BIRC6: variants seen among roughly 807,000 people sequenced by gnomAD.
The protein encoded by BIRC6 is dual E2 ubiquitin-conjugating enzyme/E3 ubiquitin-protein ligase BIRC6.
BIRC6 carries 98 observed loss-of-function variants against 503.3 expected under a neutral mutation model. That is an observed-to-expected ratio of 0.19 (90% CI 0.17 to 0.23). The LOEUF is 0.23. Among genes scored for constraint, BIRC6 ranks in the 10% least tolerant of loss-of-function variants. BIRC6 has a pLI of 1.00. For missense variants in BIRC6, 5,360 were observed against 5,806.0 expected, an observed-to-expected ratio of 0.92 and a Z score of 2.50; for synonymous variants, 2,240 against 2,078.7, an observed-to-expected ratio of 1.08 and a Z score of -2.11.
At chr2:32,576,383 TC>T (rs1446860215) in intron 66 of BIRC6, among the ~76,000 whole-genome samples, 2 of 152,226 alleles carry the variant, frequency 1.3e-5, no homozygotes, top group Non-Finnish European at 2.9e-5. Flanking sequence ...CCTTTTCCTT[TC>T]CCTTGGCAGG....
intron 49 of BIRC6, 53 bp from the exon 50 acceptor site, chr2:32,504,952 T>C: frequency 6.9e-7 from 1 of 1,451,050 alleles, no homozygotes; most frequent in South Asian, 1.2e-5. Context: ...TTTTAAAGCT[T>C]TATTATGTTT....
At chr2:32,558,371 A>C (rs1206591699) in intron 65 of BIRC6, among the ~76,000 whole-genome samples, 2 of 152,090 alleles carry the variant, frequency 1.3e-5, no homozygotes, top group Admixed American at 6.6e-5. Context: ...TAGAACATCA[A>C]CTCCTTTTTA....
chr2:32,538,239 G>C (rs898407617), intron 61 of BIRC6, among the ~76,000 whole-genome samples: 9 of 152,044 alleles, frequency 5.9e-5, no homozygotes, highest in African/African-American at 2.2e-4. Flanking sequence ...AAGCTGAGGA[G>C]CTCCAAATTC....
At chr2:32,544,458 G>A (rs2057908263) in intron 62 of BIRC6, among the ~76,000 whole-genome samples, 1 of 149,230 alleles carries the variant, frequency 6.7e-6, no homozygotes, top group Non-Finnish European at 1.5e-5. Context: ...TTTCATTTGG[G>A]TGACGTCTGC....
intron 10 of BIRC6, among the ~76,000 whole-genome samples, chr2:32,423,660 A>G (rs1022194532): frequency 6.6e-6 from 1 of 152,184 alleles, no homozygotes; most frequent in African/African-American, 2.4e-5. Context: ...ATTCCATTAC[A>G]GTAGGGCCCA....
At chr2:32,473,755 T>C (rs1380243791) in intron 33 of BIRC6, among the ~76,000 whole-genome samples, 1 of 135,714 alleles carries the variant, frequency 7.4e-6, no homozygotes, top group Non-Finnish European at 1.6e-5. Flanking sequence ...GTGTGTATTT[T>C]TTTTTTTTTT....
chr2:32,390,937 G>A (rs1296799825), intron 4 of BIRC6, among the ~76,000 whole-genome samples: 1 of 152,140 alleles, frequency 6.6e-6, no homozygotes, highest in Non-Finnish European at 1.5e-5. Flanking sequence ...AATCTCTTGG[G>A]CAACATGCAG....
chr2:32,488,804 A>G (rs1446741687), intron 42 of BIRC6, 90 bp downstream of exon 42: 1 of 958,494 alleles, frequency 1.0e-6, no homozygotes, highest in East Asian at 2.9e-5. Context: ...CTTTGTCATT[A>G]GGGGTTATAA....
At chr2:32,599,296 T>A (rs2061889730) in intron 69 of BIRC6, among the ~76,000 whole-genome samples, 1 of 144,980 alleles carries the variant, frequency 6.9e-6, no homozygotes, top group African/African-American at 2.6e-5. Context: ...ACCATTGGAC[T>A]CCAGCCTGGG....
In BIRC6 at chr2:32,607,535, T is replaced by A. The variant is rs1436455273; in HGVS notation, c.14151T>A (p.Thr4717=). The change falls in exon 72 of 74, where the codon ACT becomes ACA. Residue 4717 remains threonine, a synonymous_variant. Coordinates refer to ENST00000421745, the MANE Select transcript of BIRC6 (RefSeq NM_016252.4). ...NEPGYERSRG[T]PSGTQSSREY... ...CGGGATATGAACGGTCTAGAGGCAC[T>A]CCCAGTGGCACACAGAGTTCTCGAG... The A allele has an allele frequency of 6.2e-7, 1 of 1,613,820 alleles. No homozygotes were observed. Among genetic ancestry groups the A allele is most frequent in the South Asian group, 1.1e-5 (1 of 91,060 alleles).
intron 63 of BIRC6, among the ~76,000 whole-genome samples, chr2:32,546,188 T>C (rs2058043744): frequency 6.6e-6 from 1 of 152,148 alleles, no homozygotes; most frequent in South Asian, 2.1e-4. Context: ...GAATGGGGGT[T>C]GTGGGTGGGG....
intron 62 of BIRC6, among the ~76,000 whole-genome samples, chr2:32,545,216 C>T (rs1042610027): frequency 6.6e-6 from 1 of 152,108 alleles, no homozygotes; most frequent in Non-Finnish European, 1.5e-5. Flanking sequence ...GGCTAGAACA[C>T]AGTAGAACAC....
chr2:32,533,547 A>C (rs188314745), intron 61 of BIRC6, among the ~76,000 whole-genome samples: 18 of 152,356 alleles, frequency 1.2e-4, no homozygotes, highest in Admixed American at 2.6e-4. Context: ...CATGCTCCAA[A>C]GTATAAGCCA....
chr2:32,408,792 T>C (rs573855531), intron 9 of BIRC6, among the ~76,000 whole-genome samples: 40 of 152,334 alleles, frequency 2.6e-4, no homozygotes, highest in Admixed American at 9.8e-4. Context: ...AAAATTGTCT[T>C]TATGTATTAA....
intron 66 of BIRC6, among the ~76,000 whole-genome samples, chr2:32,587,582 G>A (rs904146808): frequency 6.6e-6 from 1 of 152,016 alleles, no homozygotes; most frequent in Non-Finnish European, 1.5e-5. Context: ...AAATTAGCCA[G>A]GCGTGGTGGT....
chr2:32,547,527 A>G (rs915078123), intron 63 of BIRC6, among the ~76,000 whole-genome samples: 2 of 152,140 alleles, frequency 1.3e-5, no homozygotes, highest in African/African-American at 4.8e-5. Flanking sequence ...CGTGTAGCGT[A>G]TATCAGTACT....
At chr2:32,420,477 G>A (rs906164298) in intron 10 of BIRC6, among the ~76,000 whole-genome samples, 3 of 151,832 alleles carry the variant, frequency 2.0e-5, no homozygotes, top group African/African-American at 7.3e-5. Context: ...AAGTTTTAGC[G>A]TAAAGAATTT....
intron 68 of BIRC6, among the ~76,000 whole-genome samples, chr2:32,597,388 G>T (rs1445415251): frequency 1.3e-5 from 2 of 152,114 alleles, no homozygotes; most frequent in Non-Finnish European, 2.9e-5. Context: ...CATTGTCTTT[G>T]ATTGAATCAT....
intron 61 of BIRC6, among the ~76,000 whole-genome samples, chr2:32,538,645 G>A (rs1322184783): frequency 6.6e-6 from 1 of 152,230 alleles, no homozygotes; most frequent in African/African-American, 2.4e-5. Flanking sequence ...AATGTACAGT[G>A]TATGGCTGGG....
Sources: allele counts gnomAD v4.1 joint callset (sites outside exome capture counted in the v4.1 genomes callset), GRCh38; gene constraint gnomAD v4.1.1; transcripts MANE v1.5; gene names NCBI Gene and HGNC (gene_info 2026-07-23, HGNC 2026-07-21).